Variants in CACNA2D3 observed in about 807,000 individuals in gnomAD.
CACNA2D3 encodes the protein calcium voltage-gated channel auxiliary subunit alpha2delta 3.
Under a neutral mutation model 160.6 loss-of-function variants are expected in CACNA2D3, and 60 were observed. The ratio of observed to expected loss-of-function variants is 0.37; its 90% CI spans 0.30 to 0.46. The LOEUF is 0.46. Among genes scored for constraint, CACNA2D3 ranks in the 20% least tolerant of loss-of-function variants. The pLI is 1.00. For missense variants in CACNA2D3, 1,205 were observed against 1,365.0 expected (o/e 0.88, Z 1.85); for synonymous variants, 558 against 492.9 (o/e 1.13, Z -1.75).
At chr3:54,769,698 C>T (rs1575467064) in intron 13 of CACNA2D3, among the ~76,000 whole-genome samples, 1 of 152,106 alleles carries the variant, frequency 6.6e-6, no homozygotes, top group Admixed American at 6.5e-5. Context: ...GAGTTTATTT[C>T]CTGGGCTGAA....
chr3:54,517,233 C>A (rs376437233), intron 5 of CACNA2D3, among the ~76,000 whole-genome samples: 2 of 152,348 alleles, frequency 1.3e-5, no homozygotes, highest in East Asian at 1.9e-4. Flanking sequence ...AGACTCCCCT[C>A]GAGCAGTGGC....
At chr3:54,476,529 A>T (rs1312386921) in intron 4 of CACNA2D3, among the ~76,000 whole-genome samples, 1 of 152,094 alleles carries the variant, frequency 6.6e-6, no homozygotes, top group Non-Finnish European at 1.5e-5. Flanking sequence ...CACCAACAGT[A>T]TACAAGGGTC....
intron 27 of CACNA2D3, among the ~76,000 whole-genome samples, chr3:54,900,993 A>T (rs1700318019): frequency 6.6e-6 from 1 of 152,222 alleles, no homozygotes; most frequent in East Asian, 1.9e-4. Flanking sequence ...TCTTGAACTA[A>T]GCAGACCTAT....
rs1250252417 is a variant in CACNA2D3, at chr3:54,365,688, A to G, written c.322-21027A>G. 2.0e-5 allele frequency among the ~76,000 whole-genome samples: 3 copies of G among 152,108 alleles called. 1 individual carries two copies. The highest frequency in any genetic ancestry group is 1.3e-4 in the Admixed American group (2 of 15,270). On this transcript the variant is annotated intron_variant, in intron 3 of 37. Coordinates refer to ENST00000474759, the MANE Select transcript of CACNA2D3 (RefSeq NM_018398.3). ...AGACCAGCCTGACCAAAATGGAGAA[A>G]CCCTGTCTCTACTAAAAGTACAAAA...
intron 26 of CACNA2D3, among the ~76,000 whole-genome samples, chr3:54,898,816 A>G (rs1700260077): frequency 6.6e-6 from 1 of 152,230 alleles, no homozygotes; most frequent in Middle Eastern, 3.2e-3. Flanking sequence ...ACAAAGTTAC[A>G]GATGACGTAA....
chr3:54,205,848 G>A (rs1701267240), intron 2 of CACNA2D3, among the ~76,000 whole-genome samples: 1 of 152,154 alleles, frequency 6.6e-6, no homozygotes, highest in South Asian at 2.1e-4. Context: ...TGTTAGGGTT[G>A]CCAGATAAGA....
At chr3:54,479,763 T>C (rs538718584) in intron 4 of CACNA2D3, among the ~76,000 whole-genome samples, 2 of 152,334 alleles carry the variant, frequency 1.3e-5, no homozygotes, top group South Asian at 4.1e-4. Flanking sequence ...TTATCAAATA[T>C]GTGGCCAAAC....
intron 11 of CACNA2D3, among the ~76,000 whole-genome samples, chr3:54,721,042 C>T (rs1257417660): frequency 2.0e-5 from 3 of 151,380 alleles, no homozygotes; most frequent in Non-Finnish European, 4.4e-5. Context: ...TCAGTTTTGT[C>T]ATCTATTAGC....
intron 2 of CACNA2D3, among the ~76,000 whole-genome samples, chr3:54,144,853 A>G (rs561696597): frequency 1.3e-5 from 2 of 152,292 alleles, no homozygotes; most frequent in African/African-American, 4.8e-5. Context: ...TGTTTTTATC[A>G]TTTTTACTGT....
chr3:54,851,618 C>T (rs1232918830), intron 17 of CACNA2D3, among the ~76,000 whole-genome samples: 1 of 152,150 alleles, frequency 6.6e-6, no homozygotes, highest in African/African-American at 2.4e-5. Context: ...GTAATCATGT[C>T]AGAATCTGTC....
chr3:54,921,613 A>G (rs1315608414), intron 27 of CACNA2D3, among the ~76,000 whole-genome samples: 1 of 152,184 alleles, frequency 6.6e-6, no homozygotes, highest in Admixed American at 6.5e-5. Flanking sequence ...ATGGAATTCA[A>G]TTAATTGAAT....
chr3:54,548,571 G>T (rs1421893106), intron 5 of CACNA2D3, among the ~76,000 whole-genome samples: 3 of 152,098 alleles, frequency 2.0e-5, no homozygotes, highest in Admixed American at 1.3e-4. Context: ...TGGCCATTCT[G>T]ATCCCCAAAC....
rs1342356474 is a variant in CACNA2D3 at position 54,480,434 on chromosome 3, G to T, written c.382-23058G>T. Among the ~76,000 whole-genome samples the T allele has an allele frequency of 3.3e-5, 5 of 152,080 alleles. No homozygotes were observed. The East Asian group carries it at 9.6e-4, about 29-fold the overall frequency. ...TCTTTACTTCTTAGATCACTTCGTT[G>T]TGTTTTCTCCCCATATTTTACTGTC... On this transcript the variant is annotated intron_variant, in intron 4 of 37. Coordinates refer to ENST00000474759, the MANE Select transcript of CACNA2D3 (RefSeq NM_018398.3).
At chr3:54,212,558 C>CGAA (rs1156436392) in intron 2 of CACNA2D3, among the ~76,000 whole-genome samples, 5 of 152,162 alleles carry the variant, frequency 3.3e-5, no homozygotes, top group Non-Finnish European at 7.3e-5. Flanking sequence ...TGTTTCTTTT[C>CGAA]AGACTTAAAG....
intron 13 of CACNA2D3, among the ~76,000 whole-genome samples, chr3:54,804,238 C>T (rs1240467780): frequency 6.6e-6 from 1 of 151,880 alleles, no homozygotes; most frequent in African/African-American, 2.4e-5. Context: ...ACTAAATGCT[C>T]CAATTAAAAG....
rs181317540 is a variant in CACNA2D3, at chr3:54,465,895, A to G, written c.382-37597A>G. 3.5e-4 allele frequency among the ~76,000 whole-genome samples: 54 copies of G among 152,204 alleles called. 1 individual carries two copies. The East Asian group carries it at 0.01, about 29-fold the overall frequency. Reference sequence around the variant, plus strand: ...TGCTGGCTGGGCTCTTAATCTGGAGATCTGGAAAGATTGACTTCCTAGTTC... The same window carrying G: ...TGCTGGCTGGGCTCTTAATCTGGAGGTCTGGAAAGATTGACTTCCTAGTTC... On this transcript the variant is annotated intron_variant, in intron 4 of 37. Transcript: ENST00000474759.
chr3:54,914,558 A>T (rs1177897808), intron 27 of CACNA2D3, among the ~76,000 whole-genome samples: 1 of 152,244 alleles, frequency 6.6e-6, no homozygotes, highest in African/African-American at 2.4e-5. Flanking sequence ...TAGTCCAGTT[A>T]AGAATCTGAA....
chr3:54,991,685 T>C (rs952198781), intron 31 of CACNA2D3, among the ~76,000 whole-genome samples: 3 of 152,136 alleles, frequency 2.0e-5, no homozygotes, highest in Non-Finnish European at 4.4e-5. Flanking sequence ...GGGGCCTTTG[T>C]GATACTCTGG....
intron 29 of CACNA2D3, among the ~76,000 whole-genome samples, chr3:54,981,988 T>C (rs1321531472): frequency 1.3e-5 from 2 of 152,126 alleles, no homozygotes; most frequent in Non-Finnish European, 1.5e-5. Flanking sequence ...AGAAAAAGAC[T>C]CACCTATTGC....
Sources: gnomAD v4.1 joint callset for allele counts (sites outside exome capture counted in the v4.1 genomes callset) on GRCh38, gnomAD v4.1.1 for gene constraint, MANE v1.5 for transcripts, NCBI Gene and HGNC (gene_info 2026-07-23, HGNC 2026-07-21) for gene names.